The following UGT2A3 variants were observed in gnomAD, a reference collection of about 807,000 sequenced individuals.
UGT2A3 encodes UDP-glucuronosyltransferase 2A3.
Under a neutral mutation model 44.1 loss-of-function variants are expected in UGT2A3, and 55 were observed. The ratio of observed to expected loss-of-function variants is 1.25; its 90% CI spans 1.00 to 1.56. The LOEUF (loss-of-function observed/expected upper bound fraction) is 1.56. Ranked by LOEUF, UGT2A3 falls within the 40% of genes most tolerant of loss-of-function variation. The probability of loss-of-function intolerance (pLI) is 0.00; values close to 1 mark genes in which losing one functional copy is unlikely to be tolerated. For synonymous variants in UGT2A3, 243 were observed against 215.1 expected (o/e 1.13, Z -1.13); for missense variants, 733 against 621.6 (o/e 1.18, Z -1.91).
intron 1 of UGT2A3, among the ~76,000 whole-genome samples, chr4:68,948,536 C>G (rs1266550679): frequency 7.3e-6 from 1 of 136,576 alleles, no homozygotes; most frequent in Non-Finnish European, 1.5e-5. Context: ...GGACTTCAAA[C>G]TTCTGGGCTC....
At chr4:68,950,981 G>A (rs1470322570) in intron 1 of UGT2A3, 65 bp downstream of exon 1, 5 of 1,149,350 alleles carry the variant, frequency 4.4e-6, no homozygotes, top group East Asian at 5.2e-5. Flanking sequence ...CATAGACAAT[G>A]TATGACAATT....
chr4:68,951,547 A>G lies in UGT2A3; in HGVS notation c.214T>C (p.Leu72=), dbSNP rs778955218. The G allele has an allele frequency of 1.4e-5, 23 of 1,612,902 alleles. No homozygotes were observed. In the South Asian group the frequency reaches 1.8e-4, roughly 12 times the overall value. ...GGCATATGGACCACCTCAAATTTCA[A>G]TGCAGAAGGCTTCCTGTAGTCAATT... The part of the protein sequence containing the change: ...SLIDYRKPSA[L]KFEVVHMPQD... The change falls in exon 1 of 6, where the codon TTG becomes CTG. Residue 72 remains leucine, a synonymous_variant. Transcript: ENST00000251566.
At position 68,932,189 on chromosome 4, in the gene UGT2A3, A is replaced by T. The variant is rs1313383823; in HGVS notation, c.996+439T>A. Among the ~76,000 whole-genome samples, 5 of 151,876 alleles carry T rather than the reference A, an allele frequency of 3.3e-5. No individual in the cohort carries two copies. In the East Asian group the frequency reaches 9.7e-4, roughly 29 times the overall value. On this transcript the variant is annotated intron_variant, in intron 3 of 5. Transcript: ENST00000251566. The stretch of plus-strand genomic sequence containing the variant: ...CTAATTATTTAGAAAGACTACATTA[A>T]TCTGAGCTTTTATTTCTAAGCAAAA...
Position 68,951,226 on chromosome 4 carries a change from C to T in UGT2A3, c.535G>A (p.Glu179Lys). The T allele has an allele frequency of 6.2e-7, 1 of 1,611,846 alleles. No homozygotes were observed. Among genetic ancestry groups the T allele is most frequent in the Non-Finnish European group, 8.5e-7 (1 of 1,178,976 alleles). ...TLRISVGGNMERSCGKLPAPL... is the reference protein window; with the variant it reads ...TLRISVGGNMKRSCGKLPAPL... The stretch of plus-strand genomic sequence containing the variant: ...GCTGGAAGTTTCCCACAGCTTCGCT[C>T]CATATTGCCTCCTACAGAAATTCTA... The change falls in exon 1 of 6, where the codon GAG becomes AAG. Residue 179 changes from glutamate (E) to lysine (K), a missense_variant. Glu to Lys is a moderately conservative substitution (Grantham distance 56, BLOSUM62 1). Coordinates refer to ENST00000251566, the MANE Select transcript of UGT2A3 (RefSeq NM_024743.4).
intron 2 of UGT2A3, among the ~76,000 whole-genome samples, chr4:68,937,198 C>G (rs549801910): frequency 6.6e-6 from 1 of 152,232 alleles, no homozygotes; most frequent in South Asian, 2.1e-4. Context: ...TTGAACTCAG[C>G]TCTGCTCCAA....
chr4:68,948,908 A>T (rs1032659399), intron 1 of UGT2A3, among the ~76,000 whole-genome samples: 1 of 151,850 alleles, frequency 6.6e-6, no homozygotes, highest in Admixed American at 6.6e-5. Context: ...TGGCACCAAC[A>T]TCTGTGTCTG....
At chr4:68,938,226 T>C (rs1016499426) in intron 2 of UGT2A3, among the ~76,000 whole-genome samples, 6 of 152,072 alleles carry the variant, frequency 3.9e-5, no homozygotes, top group African/African-American at 1.4e-4. Context: ...ATCGTCCTGA[T>C]ACCAAAGCCT....
At chr4:68,938,082 A>T (rs958582157) in intron 2 of UGT2A3, among the ~76,000 whole-genome samples, 1 of 151,982 alleles carries the variant, frequency 6.6e-6, no homozygotes, top group Non-Finnish European at 1.5e-5. Flanking sequence ...CAAACCAAAA[A>T]AAGTCCTGGA....
intron 2 of UGT2A3, among the ~76,000 whole-genome samples, chr4:68,942,230 T>G (rs1329090035): frequency 1.3e-5 from 2 of 151,086 alleles, no homozygotes. Context: ...TAAACATCCA[T>G]TAATGAAGAA....
intron 3 of UGT2A3, 126 bp downstream of exon 3, chr4:68,932,502 T>C: frequency 1.0e-6 from 1 of 995,018 alleles, no homozygotes; most frequent in East Asian, 2.5e-5. Flanking sequence ...CCATGTACAC[T>C]ACTATAATGT....
rs142020441 is a variant in UGT2A3 at position 68,931,191 on chromosome 4, G to A, written c.1048C>T (p.Arg350Trp). Reference sequence around the variant, plus strand: ...TTCTGGGGTATCCAATCATACAGCCGAGTATTGGCTCCTAATGTGGATGGT... The same window carrying A: ...TTCTGGGGTATCCAATCATACAGCCAAGTATTGGCTCCTAATGTGGATGGT... ...KKPSTLGANT[R>W]LYDWIPQNDL... is the part of the protein sequence containing the mutation. The change falls in exon 4 of 6, where the codon CGG (arginine) becomes TGG (tryptophan). Residue 350 changes from arginine to tryptophan, a missense_variant. Transcript: ENST00000251566. 24 of 1,612,798 alleles carry A rather than the reference G, an allele frequency of 1.5e-5. No individual in the cohort carries two copies. The highest frequency in any genetic ancestry group is 1.6e-4 in the Middle Eastern group (1 of 6,068).
Position 68,934,160 on chromosome 4 carries a change from C to A in UGT2A3, c.865-1401G>T, listed in dbSNP as rs114809519. 0.016 allele frequency among the ~76,000 whole-genome samples: 2,369 copies of A among 151,926 alleles called. 88 individuals are homozygous for A. The East Asian group carries it at 0.18, about 12-fold the overall frequency. ...TCCGACATCAAATTCACAATAATCT[C>A]TTTGACAAGTTCAGGAATCACATAA... On this transcript the variant is annotated intron_variant, in intron 2 of 5. Transcript: ENST00000251566.
intron 2 of UGT2A3, among the ~76,000 whole-genome samples, chr4:68,933,460 G>T: frequency 6.6e-6 from 1 of 152,052 alleles, no homozygotes; most frequent in East Asian, 1.9e-4. Context: ...TATTAGGAGT[G>T]TCAGAAGGGC....
chr4:68,938,722 G>A (rs957151263), intron 2 of UGT2A3, among the ~76,000 whole-genome samples: 7 of 151,960 alleles, frequency 4.6e-5, no homozygotes, highest in African/African-American at 1.7e-4. Context: ...GCAAGAGAAA[G>A]AAGAAAGGAT....
At chr4:68,931,341 G>C (rs1717730057) in intron 3 of UGT2A3, 99 bp from the exon 4 acceptor site, 1 of 948,414 alleles carries the variant, frequency 1.1e-6, no homozygotes, top group South Asian at 1.7e-5. Context: ...TTGTACTTCA[G>C]GTGATGGTTG....
At position 68,951,135 on chromosome 4, in the gene UGT2A3, A is replaced by G. The variant is rs1213153622; in HGVS notation, c.626T>C (p.Val209Ala). The G allele has an allele frequency of 1.2e-6, 2 of 1,611,582 alleles. No homozygotes were observed. The highest frequency in any genetic ancestry group is 1.7e-5 in the Admixed American group (1 of 59,654). Residue 209 changes from valine (V) to alanine (A), a missense_variant, in exon 1 of 6, where the codon GTA becomes GCA. By Grantham distance (64) the Val-to-Ala change is moderately conservative. Coordinates refer to ENST00000251566, the MANE Select transcript of UGT2A3 (RefSeq NM_024743.4). The part of the protein sequence containing the change: ...LTDRMTFLER[V>A]KNSMLSVLFH... ...CAAAACTGAAAGCATTGAATTTTTT[A>G]CTCTTTCCAGAAAGGTCATTCTGTC...
chr4:68,950,606 C>A (rs1718546496), intron 1 of UGT2A3, among the ~76,000 whole-genome samples: 2 of 151,544 alleles, frequency 1.3e-5, no homozygotes, highest in South Asian at 4.2e-4. Flanking sequence ...GAAGTAATCA[C>A]CTAAGAAATT....
Position 68,932,700 on chromosome 4 carries a change from C to T in UGT2A3, c.924G>A (p.Gly308=), listed in dbSNP as rs1415810737. Residue 308 remains glycine, a synonymous_variant, in exon 3 of 6, where the codon GGG becomes GGA. Transcript: ENST00000251566. The part of the protein sequence containing the change: ...GEDGIVVFSL[G]SLFQNVTEEK... ...CTTCTGTAACATTTTGAAACAGTGACCCCAGAGAAAACACCACAATACCAT... is the reference window on the plus strand; with the variant it reads ...CTTCTGTAACATTTTGAAACAGTGATCCCAGAGAAAACACCACAATACCAT... The T allele has an allele frequency of 3.7e-6, 6 of 1,611,674 alleles. No homozygotes were observed. The highest frequency in any genetic ancestry group is 5.1e-6 in the Non-Finnish European group (6 of 1,178,688).
intron 1 of UGT2A3, among the ~76,000 whole-genome samples, chr4:68,949,293 T>C (rs1036133779): frequency 2.0e-5 from 3 of 151,862 alleles, no homozygotes; most frequent in Non-Finnish European, 2.9e-5. Flanking sequence ...TTCTTTTCAC[T>C]GGAACATTTA....
Sources: gnomAD v4.1 joint callset for allele counts (sites outside exome capture counted in the v4.1 genomes callset) on GRCh38, gnomAD v4.1.1 for gene constraint, MANE v1.5 for transcripts, NCBI Gene and HGNC (gene_info 2026-07-23, HGNC 2026-07-21) for gene names.